Variants in HGF observed in about 807,000 individuals in gnomAD.
The protein encoded by HGF is hepatocyte growth factor, also known as fibroblast-derived tumor cytotoxic factor.
A neutral mutation model predicts 111.6 loss-of-function variants in HGF; 39 were observed. That is an observed-to-expected ratio of 0.35 (90% CI 0.27 to 0.46). The LOEUF (loss-of-function observed/expected upper bound fraction) is 0.46, where lower values mean the gene tolerates loss of function less well. Ranked by LOEUF, HGF falls within the 20% of genes least tolerant of loss-of-function variation. The pLI, the probability that HGF is intolerant of heterozygous loss-of-function variation, is 1.00. For missense variants in HGF, 735 were observed against 910.5 expected (o/e 0.81, Z 2.48); for synonymous variants, 285 against 294.8 (o/e 0.97, Z 0.34).
intron 5 of HGF, among the ~76,000 whole-genome samples, chr7:81,750,250 G>A (rs73148744): frequency 6.6e-6 from 1 of 152,176 alleles, no homozygotes; most frequent in Non-Finnish European, 1.5e-5. Context: ...GCTTGTGTTA[G>A]CTGGAATTTA....
intron 4 of HGF, chr7:81,756,273 G>A (rs951804574): frequency 2.7e-5 from 14 of 527,924 alleles, no homozygotes; most frequent in Admixed American, 1.4e-4. Flanking sequence ...AAAACTACCC[G>A]CTGTGTGGTT....
intron 1 of HGF, among the ~76,000 whole-genome samples, chr7:81,767,118 T>G (rs1789394942): frequency 6.6e-6 from 1 of 152,166 alleles, no homozygotes; most frequent in Non-Finnish European, 1.5e-5. Context: ...CATATGGACT[T>G]CAGTACCATA....
intron 13 of HGF, among the ~76,000 whole-genome samples, chr7:81,707,730 A>C (rs1258800132): frequency 1.3e-5 from 2 of 152,144 alleles, no homozygotes; most frequent in East Asian, 1.9e-4. Flanking sequence ...TAAAAATGTG[A>C]ATCTATTTTA....
intron 16 of HGF, 28 bp downstream of exon 16, chr7:81,705,619 T>G (rs755141326): frequency 6.3e-7 from 1 of 1,591,774 alleles, no homozygotes; most frequent in South Asian, 1.1e-5. Flanking sequence ...AAAATAAATA[T>G]GGCCTCATCT....
chr7:81,749,868 T>G (rs750859965), intron 5 of HGF, among the ~76,000 whole-genome samples: 6 of 152,016 alleles, frequency 3.9e-5, no homozygotes, highest in Admixed American at 6.6e-5. Context: ...TACAAAAATT[T>G]CAAAAAATAT....
chr7:81,765,800 G>A (rs970844136), intron 1 of HGF, among the ~76,000 whole-genome samples: 1 of 152,160 alleles, frequency 6.6e-6, no homozygotes, highest in African/African-American at 2.4e-5. Context: ...AACAACTGAT[G>A]CTTGTTTTAC....
intron 9 of HGF, among the ~76,000 whole-genome samples, chr7:81,723,354 CA>C (rs1789923606): frequency 6.6e-6 from 1 of 151,802 alleles, no homozygotes; most frequent in Non-Finnish European, 1.5e-5. Flanking sequence ...AACTAATATC[CA>C]GAAAGATGAA....
chr7:81,720,001 A>G (rs955984389), intron 10 of HGF, among the ~76,000 whole-genome samples: 4 of 152,186 alleles, frequency 2.6e-5, no homozygotes, highest in Admixed American at 6.5e-5. Context: ...TCTAGTGCAT[A>G]TACTCTGGGA....
intron 5 of HGF, among the ~76,000 whole-genome samples, chr7:81,747,445 G>T (rs1398610015): frequency 2.0e-5 from 3 of 152,052 alleles, no homozygotes; most frequent in African/African-American, 7.2e-5. Flanking sequence ...AATTATAAAG[G>T]GACAAAATAA....
chr7:81,702,778 A>G (rs1789317288), intron 17 of HGF, 21 bp from the exon 18 acceptor site: 1 of 1,600,286 alleles, frequency 6.2e-7, no homozygotes, highest in Admixed American at 1.7e-5. Flanking sequence ...GACATACAAA[A>G]ACAAAGTATT....
chr7:81,751,727 T>G, intron 5 of HGF: 3 of 1,039,238 alleles, frequency 2.9e-6, no homozygotes, highest in Non-Finnish European at 3.5e-6. Context: ...AGAATTTCTG[T>G]GGAAGCAGGT....
chr7:81,756,901 C>T (rs1169046647), intron 4 of HGF: 1 of 470,218 alleles, frequency 2.1e-6, no homozygotes, highest in Non-Finnish European at 3.9e-6. Context: ...TTCTCAAAGA[C>T]AGGAAGAAGA....
At chr7:81,759,832 T>A (rs757053187) in intron 2 of HGF, among the ~76,000 whole-genome samples, 12 of 152,296 alleles carry the variant, frequency 7.9e-5, no homozygotes, top group Non-Finnish European at 1.5e-4. Flanking sequence ...ACATAACATC[T>A]TAAAGAAAGT....
At chr7:81,756,971 C>A in intron 4 of HGF, 1 of 582,518 alleles carries the variant, frequency 1.7e-6, no homozygotes, top group Non-Finnish European at 3.1e-6. Flanking sequence ...CAAATTGAGG[C>A]ATTAAGGTAA....
At chr7:81,761,799 G>T (rs1789095428) in intron 2 of HGF, among the ~76,000 whole-genome samples, 1 of 151,356 alleles carries the variant, frequency 6.6e-6, no homozygotes, top group Non-Finnish European at 1.5e-5. Flanking sequence ...GTGGAGTGGG[G>T]GTGGGGGTGG....
intron 7 of HGF, among the ~76,000 whole-genome samples, chr7:81,736,541 GGA>G (rs1485854435): frequency 6.6e-6 from 1 of 152,036 alleles, no homozygotes; most frequent in Non-Finnish European, 1.5e-5. Context: ...AAGAATATAT[GGA>G]GATGATACAG....
At chr7:81,752,966 C>T (rs184542512) in intron 4 of HGF, among the ~76,000 whole-genome samples, 258 of 152,182 alleles carry the variant, frequency 1.7e-3, no homozygotes, top group African/African-American at 5.7e-3. Context: ...AATGCTACCT[C>T]TTATTAAGCA....
In HGF at chr7:81,752,110, G is replaced by T. The variant is rs1788532657; in HGVS notation, c.625+10C>A. ...ATAGAATGGCCCACATGGCATTCAG[G>T]TTTATTTACCTTCTGAACACTGAGG... On this transcript the variant is annotated intron_variant, in intron 5 of 17. Coordinates refer to ENST00000222390, the MANE Select transcript of HGF (RefSeq NM_000601.6). 2.5e-6 allele frequency: 4 copies of T among 1,613,378 alleles called. No individual in the cohort carries two copies. The highest frequency in any genetic ancestry group is 3.4e-6 in the Non-Finnish European group (4 of 1,179,426).
At chr7:81,748,663 T>TAAAACAAAAC (rs10654214) in intron 5 of HGF, among the ~76,000 whole-genome samples, 13,669 of 150,122 alleles carry the variant, frequency 0.091, 732 homozygotes, top group South Asian at 0.12. Flanking sequence ...AGTTCTCCTC[T>TAAAACAAAAC]AAAACAAAAC....
Sources: gnomAD v4.1 joint callset for allele counts (sites outside exome capture counted in the v4.1 genomes callset) on GRCh38, gnomAD v4.1.1 for gene constraint, MANE v1.5 for transcripts, NCBI Gene and HGNC (gene_info 2026-07-23, HGNC 2026-07-21) for gene names.